The following DCC variants were observed in gnomAD, a reference collection of about 807,000 sequenced individuals.
DCC encodes the protein netrin receptor DCC.
DCC carries 58 observed loss-of-function variants against 172.5 expected under a neutral mutation model. That is an observed-to-expected ratio of 0.34 (90% confidence interval 0.27 to 0.42). The LOEUF is 0.42. Ranked by LOEUF, DCC falls within the 10% of genes least tolerant of loss-of-function variation. The pLI, the probability that DCC is intolerant of heterozygous loss-of-function variation, is 1.00. For synonymous variants in DCC, 709 were observed against 644.5 expected (o/e 1.10, Z -1.52); for missense variants, 1,740 against 1,791.0 (o/e 0.97, Z 0.51).
chr18:52,666,316 A>G (rs1310859583), intron 1 of DCC, among the ~76,000 whole-genome samples: 1 of 152,156 alleles, frequency 6.6e-6, no homozygotes, highest in African/African-American at 2.4e-5. Context: ...AAAAGAAAGT[A>G]AGAAATTCAT....
At chr18:52,575,270 T>C (rs900300112) in intron 1 of DCC, among the ~76,000 whole-genome samples, 1 of 152,208 alleles carries the variant, frequency 6.6e-6, no homozygotes, top group Non-Finnish European at 1.5e-5. Flanking sequence ...TTTGGGCATT[T>C]AAAATTAGTA....
chr18:53,063,616 A>C, intron 6 of DCC, 157 bp downstream of exon 6: 1 of 630,472 alleles, frequency 1.6e-6, no homozygotes, highest in Non-Finnish European at 2.7e-6. Flanking sequence ...TTTTCTAGAC[A>C]TAAGAATATT....
Position 52,340,478 on chromosome 18 carries a change from TC to T in DCC, c.-308del. ...GAGCCCCTCAGAGAGCTGTCTTCCCTCCTCTGGCTCCCTCCGTTTCCTTGAG... is the reference window on the plus strand; with the variant it reads ...GAGCCCCTCAGAGAGCTGTCTTCCCTCTCTGGCTCCCTCCGTTTCCTTGAG... On this transcript the variant is annotated 5_prime_UTR_variant, in exon 1 of 29. An upstream open reading frame in the 5' UTR gains an earlier in-frame stop. Transcript: ENST00000442544. 1 of 466,722 alleles carries T rather than the reference TC, an allele frequency of 2.1e-6. No homozygotes were observed. Among genetic ancestry groups the T allele is most frequent in the Admixed American group, 3.4e-5 (1 of 29,842 alleles). 28.9% of individuals were successfully genotyped at this position (466,722 alleles called of 1,614,324 possible). A position where few individuals can be genotyped will look rare whatever the true frequency, so the allele number is the denominator to read the frequency against.
intron 27 of DCC, among the ~76,000 whole-genome samples, chr18:53,521,467 G>C (rs1419343033): frequency 5.3e-5 from 8 of 152,088 alleles, no homozygotes; most frequent in African/African-American, 1.9e-4. Context: ...ATAACCGTAG[G>C]CTATGCCTAG....
chr18:53,238,493 T>C (rs1241444208), intron 12 of DCC, among the ~76,000 whole-genome samples: 1 of 152,170 alleles, frequency 6.6e-6, no homozygotes, highest in African/African-American at 2.4e-5. Context: ...GAATCAGAGA[T>C]ATTGATATTT....
At chr18:52,892,695 G>C (rs975411217) in intron 2 of DCC, among the ~76,000 whole-genome samples, 2 of 152,052 alleles carry the variant, frequency 1.3e-5, no homozygotes, top group African/African-American at 4.8e-5. Context: ...TCTGGGTCAG[G>C]TTATCAAAAA....
At chr18:52,479,172 C>A (rs146927213) in intron 1 of DCC, among the ~76,000 whole-genome samples, 8 of 152,304 alleles carry the variant, frequency 5.3e-5, no homozygotes, top group Non-Finnish European at 7.3e-5. Flanking sequence ...AGTACAGCAA[C>A]TGGCTCATTG....
intron 12 of DCC, among the ~76,000 whole-genome samples, chr18:53,263,275 C>T (rs768898404): frequency 5.7e-4 from 86 of 152,198 alleles, no homozygotes; most frequent in Middle Eastern, 3.4e-3. Context: ...CCTCAGCCTC[C>T]GGAGTAGCCG....
chr18:52,700,001 A>T (rs1158651133), intron 1 of DCC, among the ~76,000 whole-genome samples: 1 of 151,998 alleles, frequency 6.6e-6, no homozygotes, highest in Non-Finnish European at 1.5e-5. Context: ...GTAAATTAAG[A>T]GTAGAGCAAT....
intron 7 of DCC, among the ~76,000 whole-genome samples, chr18:53,070,448 G>A (rs528691193): frequency 6.6e-6 from 1 of 152,318 alleles, no homozygotes; most frequent in African/African-American, 2.4e-5. Context: ...ATTTCCAATA[G>A]TTGAGCTTAT....
intron 1 of DCC, among the ~76,000 whole-genome samples, chr18:52,367,954 G>T (rs746049510): frequency 6.6e-6 from 1 of 152,134 alleles, no homozygotes; most frequent in Non-Finnish European, 1.5e-5. Flanking sequence ...TTGTTTGGAG[G>T]GGTTGTTCCA....
intron 7 of DCC, among the ~76,000 whole-genome samples, chr18:53,119,035 C>G (rs999973764): frequency 7.2e-5 from 11 of 151,790 alleles, no homozygotes; most frequent in African/African-American, 2.7e-4. Flanking sequence ...GTGCTCCCAC[C>G]TATTAGAAGT....
chr18:53,082,643 G>T (rs2042823024), intron 7 of DCC, among the ~76,000 whole-genome samples: 1 of 152,038 alleles, frequency 6.6e-6, no homozygotes, highest in Non-Finnish European at 1.5e-5. Context: ...TAGTAACTAT[G>T]GGTATTTTGT....
intron 2 of DCC, among the ~76,000 whole-genome samples, chr18:52,823,573 A>C (rs956062365): frequency 4.6e-5 from 7 of 152,096 alleles, no homozygotes; most frequent in African/African-American, 1.7e-4. Context: ...TATTTTACTT[A>C]CTAAGGTGGG....
chr18:53,205,636 G>A (rs1029122917), intron 10 of DCC, among the ~76,000 whole-genome samples: 20 of 152,268 alleles, frequency 1.3e-4, no homozygotes, highest in Non-Finnish European at 2.4e-4. Context: ...GTGGCCTGGC[G>A]TGTGTGGGCA....
intron 9 of DCC, among the ~76,000 whole-genome samples, chr18:53,184,445 C>T (rs909255042): frequency 1.3e-5 from 2 of 152,058 alleles, no homozygotes; most frequent in African/African-American, 4.8e-5. Context: ...GAGCCTACTA[C>T]ACACCTAGGC....
intron 12 of DCC, among the ~76,000 whole-genome samples, chr18:53,231,243 C>T (rs1005788824): frequency 1.3e-5 from 2 of 152,032 alleles, no homozygotes; most frequent in South Asian, 2.1e-4. Context: ...CATGCTGTCA[C>T]ATCAGATTCG....
At chr18:53,460,274 G>GTTT (rs766940670) in intron 24 of DCC, among the ~76,000 whole-genome samples, 2 of 81,088 alleles carry the variant, frequency 2.5e-5, no homozygotes, top group South Asian at 5.0e-4. Context: ...AGGAGCTCCT[G>GTTT]TTTTTTTTTT....
At chr18:52,801,296 T>C (rs1388159546) in intron 2 of DCC, among the ~76,000 whole-genome samples, 2 of 152,210 alleles carry the variant, frequency 1.3e-5, no homozygotes, top group Admixed American at 6.5e-5. Context: ...GTCATGTCTT[T>C]TAGTGATAAC....
Sources: gnomAD v4.1 joint callset for allele counts (sites outside exome capture counted in the v4.1 genomes callset) on GRCh38, gnomAD v4.1.1 for gene constraint, MANE v1.5 for transcripts, NCBI Gene and HGNC (gene_info 2026-07-23, HGNC 2026-07-21) for gene names.